ZC3H12B: variants seen among roughly 807,000 people sequenced by gnomAD.
The protein encoded by ZC3H12B is probable ribonuclease ZC3H12B.
Under a neutral mutation model 43.9 loss-of-function variants are expected in ZC3H12B, and 7 were observed. The ratio of observed to expected loss-of-function variants is 0.16; its 90% confidence interval spans 0.09 to 0.30. The LOEUF is 0.30. Ranked by LOEUF, ZC3H12B falls within the 10% of genes least tolerant of loss-of-function variation. The probability of loss-of-function intolerance (pLI) is 1.00; values close to 1 mark genes in which losing one functional copy is unlikely to be tolerated. For synonymous variants in ZC3H12B, 222 were observed against 241.7 expected, an observed-to-expected ratio of 0.92 and a Z score of 0.76; for missense variants, 475 against 670.2, an observed-to-expected ratio of 0.71 and a Z score of 3.22.
At chrX:65,145,825 G>T in the ZC3H12B span, among the ~76,000 whole-genome samples, 1 of 111,750 alleles carries the variant, frequency 8.9e-6, no homozygotes, top group Admixed American at 9.5e-5. Context: ...ATGCCTCTTA[G>T]CTTGTAAGGT....
the ZC3H12B span, among the ~76,000 whole-genome samples, chrX:65,085,220 G>A: frequency 1.8e-5 from 2 of 111,265 alleles, no homozygotes. Context: ...TGATTGTAGT[G>A]AATAATAACT....
intron 2 of ZC3H12B, among the ~76,000 whole-genome samples, chrX:65,390,867 T>G (rs1190615261): frequency 8.9e-6 from 1 of 111,914 alleles, no homozygotes. Flanking sequence ...AGAAATAATA[T>G]CAAGCATCTT....
chrX:65,135,870 C>T, the ZC3H12B span, among the ~76,000 whole-genome samples: 1 of 104,650 alleles, frequency 9.6e-6, no homozygotes, highest in African/African-American at 3.5e-5. Flanking sequence ...TTTTTCAGTT[C>T]TAAAATCTCC....
chrX:65,293,192 C>A, the ZC3H12B span, among the ~76,000 whole-genome samples: 1 of 111,125 alleles, frequency 9.0e-6, no homozygotes, highest in Non-Finnish European at 1.9e-5. Flanking sequence ...CCAGATATTT[C>A]TCAGTACCAC....
chrX:65,190,670 G>C, the ZC3H12B span, among the ~76,000 whole-genome samples: 4 of 110,097 alleles, frequency 3.6e-5, no homozygotes, highest in Non-Finnish European at 5.7e-5. Flanking sequence ...CTTTGCTGAA[G>C]TTGCTTATCA....
chrX:65,115,325 T>C, the ZC3H12B span, among the ~76,000 whole-genome samples: 1 of 110,977 alleles, frequency 9.0e-6, no homozygotes, highest in Non-Finnish European at 1.9e-5. Context: ...ATTCCTGAGT[T>C]ACTTCACTTA....
intron 3 of ZC3H12B, among the ~76,000 whole-genome samples, chrX:65,461,986 A>T (rs1319608180): frequency 9.0e-6 from 1 of 110,729 alleles, no homozygotes; most frequent in African/African-American, 3.3e-5. Flanking sequence ...ATAGAAATAA[A>T]AAATAAATAA....
chrX:65,140,692 C>T, the ZC3H12B span, among the ~76,000 whole-genome samples: 2 of 111,988 alleles, frequency 1.8e-5, no homozygotes, highest in African/African-American at 6.5e-5. Context: ...GTAAAGCCAT[C>T]AGTTCTTGGG....
chrX:65,247,889 A>G, the ZC3H12B span, among the ~76,000 whole-genome samples: 1 of 112,343 alleles, frequency 8.9e-6, no homozygotes, highest in African/African-American at 3.2e-5. Flanking sequence ...ATAAACGTTT[A>G]AAAAGTGTTT....
the ZC3H12B span, among the ~76,000 whole-genome samples, chrX:65,349,433 G>A: frequency 9.0e-6 from 1 of 111,424 alleles, no homozygotes; most frequent in Admixed American, 9.6e-5. Context: ...AATTTGACAC[G>A]CTAACATCAA....
intron 2 of ZC3H12B, among the ~76,000 whole-genome samples, chrX:65,393,609 A>G (rs1249744793): frequency 1.8e-5 from 2 of 111,876 alleles, no homozygotes; most frequent in African/African-American, 3.2e-5. Context: ...CATCCTTTTT[A>G]TGGCTGCATA....
the ZC3H12B span, among the ~76,000 whole-genome samples, chrX:65,195,474 A>G: frequency 9.0e-6 from 1 of 111,093 alleles, no homozygotes; most frequent in Non-Finnish European, 1.9e-5. Flanking sequence ...TTAACTTCAT[A>G]CCCTGCTTTT....
the ZC3H12B span, among the ~76,000 whole-genome samples, chrX:65,136,980 A>G: frequency 1.8e-5 from 2 of 111,898 alleles, no homozygotes; most frequent in Admixed American, 1.9e-4. Context: ...CTCACAGCTG[A>G]TATTTTATAA....
At chrX:65,327,234 G>A in the ZC3H12B span, among the ~76,000 whole-genome samples, 2 of 110,964 alleles carry the variant, frequency 1.8e-5, no homozygotes, top group Non-Finnish European at 3.8e-5. Flanking sequence ...AATGGATGAA[G>A]AAAATGTGAT....
At chrX:65,223,698 G>A in the ZC3H12B span, among the ~76,000 whole-genome samples, 3 of 111,941 alleles carry the variant, frequency 2.7e-5, no homozygotes, top group Non-Finnish European at 3.8e-5. Context: ...TATAGAAATG[G>A]CCAACAAACA....
chrX:65,119,128 C>A, the ZC3H12B span, among the ~76,000 whole-genome samples: 57 of 111,297 alleles, frequency 5.1e-4, no homozygotes, highest in African/African-American at 1.2e-3. Context: ...ATGTGTCTTT[C>A]TAGCAGCATG....
intron 2 of ZC3H12B, among the ~76,000 whole-genome samples, chrX:65,373,207 T>C (rs989288780): frequency 2.1e-4 from 24 of 111,819 alleles, no homozygotes; most frequent in Non-Finnish European, 7.5e-5. Flanking sequence ...TCTCAAACCA[T>C]TTAGAATGGC....
chrX:65,173,667 C>G, the ZC3H12B span, among the ~76,000 whole-genome samples: 2 of 111,769 alleles, frequency 1.8e-5, no homozygotes, highest in Non-Finnish European at 3.8e-5. Context: ...TTTTGTGCAT[C>G]TATTGAGATA....
the ZC3H12B span, among the ~76,000 whole-genome samples, chrX:65,175,893 A>C: frequency 1.8e-5 from 2 of 112,384 alleles, no homozygotes; most frequent in East Asian, 5.6e-4. Context: ...CTTTGTAACC[A>C]CAGACCAGGA....
Sources: allele counts gnomAD v4.1 joint callset (sites outside exome capture counted in the v4.1 genomes callset), GRCh38; gene constraint gnomAD v4.1.1; transcripts MANE v1.5; gene names NCBI Gene and HGNC (gene_info 2026-07-23, HGNC 2026-07-21).